The following SVEP1 variants were observed in gnomAD, a reference collection of about 807,000 sequenced individuals.
SVEP1 encodes sushi, von Willebrand factor type A, EGF and pentraxin domain containing 1, also known as sushi, von Willebrand factor type A, EGF and pentraxin domain-containing protein 1.
Under a neutral mutation model 367.3 loss-of-function variants are expected in SVEP1, and 164 were observed. The ratio of observed to expected loss-of-function variants is 0.45; its 90% CI spans 0.39 to 0.51. SVEP1 has a LOEUF of 0.51. Ranked by LOEUF, SVEP1 falls within the 20% of genes least tolerant of loss-of-function variation. The pLI, the probability that SVEP1 is intolerant of heterozygous loss-of-function variation, is 0.00. For missense variants in SVEP1, 4,117 were observed against 4,425.3 expected, an observed-to-expected ratio of 0.93 and a Z score of 1.98; for synonymous variants, 1,666 against 1,611.6, an observed-to-expected ratio of 1.03 and a Z score of -0.81.
intron 3 of SVEP1, 156 bp from the exon 4 acceptor site, chr9:110,514,262 T>A: frequency 3.8e-5 from 36 of 946,912 alleles, no homozygotes; most frequent in Non-Finnish European, 4.9e-5. Flanking sequence ...CTGTAATCCC[T>A]GTACTTTGGG....
At chr9:110,446,163 A>G in intron 25 of SVEP1, 125 bp from the exon 26 acceptor site, 1 of 786,658 alleles carries the variant, frequency 1.3e-6, no homozygotes, top group Non-Finnish European at 2.0e-6. Context: ...AAGCAGTTTC[A>G]AAATTAAATA....
intron 3 of SVEP1, among the ~76,000 whole-genome samples, chr9:110,519,091 T>C (rs1344494437): frequency 6.6e-6 from 1 of 152,178 alleles, no homozygotes; most frequent in Non-Finnish European, 1.5e-5. Context: ...CACCACATTT[T>C]TGGGGAGTTT....
chr9:110,394,977 A>G (rs1317725656), intron 40 of SVEP1, among the ~76,000 whole-genome samples: 2 of 152,240 alleles, frequency 1.3e-5, no homozygotes, highest in African/African-American at 4.8e-5. Context: ...GCAGGCCAGC[A>G]TTCAAATTCA....
chr9:110,434,049 A>G (rs1828394059), intron 30 of SVEP1, among the ~76,000 whole-genome samples: 1 of 152,082 alleles, frequency 6.6e-6, no homozygotes, highest in Non-Finnish European at 1.5e-5. Context: ...TTCCCCCTCC[A>G]GCAATGACCC....
chr9:110,516,877 G>A (rs1299275661), intron 3 of SVEP1, among the ~76,000 whole-genome samples: 1 of 152,070 alleles, frequency 6.6e-6, no homozygotes, highest in Non-Finnish European at 1.5e-5. Flanking sequence ...GAGCTTTAGT[G>A]CAAAAGTACT....
intron 28 of SVEP1, 49 bp from the exon 29 acceptor site, chr9:110,435,413 T>G: frequency 1.9e-6 from 3 of 1,599,372 alleles, no homozygotes; most frequent in Non-Finnish European, 2.6e-6. Context: ...TCCATTAAGA[T>G]GGAGTTATTA....
chr9:110,533,886 A>G (rs915833528), intron 3 of SVEP1, among the ~76,000 whole-genome samples: 30 of 152,180 alleles, frequency 2.0e-4, no homozygotes, highest in African/African-American at 6.7e-4. Context: ...TGAAAATATA[A>G]CCTGGAAATA....
intron 42 of SVEP1, 102 bp downstream of exon 42, chr9:110,387,183 C>CCCATAT: frequency 1.6e-6 from 2 of 1,234,810 alleles, no homozygotes; most frequent in Non-Finnish European, 2.2e-6. Flanking sequence ...TTTCTCTGGG[C>CCCATAT]CCATATCCCT....
intron 18 of SVEP1, among the ~76,000 whole-genome samples, chr9:110,461,870 G>C (rs187743115): frequency 3.3e-5 from 5 of 152,066 alleles, no homozygotes; most frequent in Admixed American, 6.5e-5. Flanking sequence ...TTTACTCTTT[G>C]ATTGATAGAT....
intron 13 of SVEP1, among the ~76,000 whole-genome samples, chr9:110,478,462 C>T (rs12376098): frequency 0.29 from 43,457 of 152,044 alleles, 6,546 homozygotes; most frequent in Admixed American, 0.33. Flanking sequence ...CCTTATAGCA[C>T]CTTTAACCTG....
chr9:110,499,463 C>A (rs772334306), intron 6 of SVEP1, among the ~76,000 whole-genome samples: 32 of 152,278 alleles, frequency 2.1e-4, no homozygotes, highest in Non-Finnish European at 4.0e-4. Context: ...TCAAAACTTT[C>A]AAAAACTTCT....
At position 110,379,414 on chromosome 9, in the gene SVEP1, C is replaced by T; in HGVS notation, c.10341G>A (p.Met3447Ile). The change falls in exon 44 of 48, where the codon ATG becomes ATA. Residue 3447 changes from methionine (M) to isoleucine (I), a missense_variant. This residue lies in a region of SVEP1 where 1,765 missense variants were observed against 1,781.1 expected (regional missense o/e 0.99). Transcript: ENST00000374469. ...AAACACTCCTCAGGAAACCCTCCAACATGTATCCACTGTAACATGAGTAGG... is the reference window on the plus strand; with the variant it reads ...AAACACTCCTCAGGAAACCCTCCAATATGTATCCACTGTAACATGAGTAGG... ...MITYSCYSGYMLEGFLRSVCL... is the reference protein window; with the variant it reads ...MITYSCYSGYILEGFLRSVCL... The T allele has an allele frequency of 6.2e-7, 1 of 1,613,826 alleles. No individual in the cohort carries two copies. Among genetic ancestry groups the T allele is most frequent in the Non-Finnish European group, 8.5e-7 (1 of 1,179,796 alleles).
At chr9:110,534,865 G>T (rs1265184198) in intron 3 of SVEP1, among the ~76,000 whole-genome samples, 1 of 152,010 alleles carries the variant, frequency 6.6e-6, no homozygotes, top group Non-Finnish European at 1.5e-5. Flanking sequence ...TTTTAATGGG[G>T]TTGCTTTTTT....
chr9:110,416,864 T>TC (rs1189059565), intron 36 of SVEP1, among the ~76,000 whole-genome samples: 1 of 152,060 alleles, frequency 6.6e-6, no homozygotes, highest in African/African-American at 2.4e-5. Context: ...GGAGGACTGT[T>TC]CTGTACATTG....
chr9:110,449,251 A>T (rs1828654086), intron 24 of SVEP1, among the ~76,000 whole-genome samples: 1 of 152,090 alleles, frequency 6.6e-6, no homozygotes. Flanking sequence ...TGCCCCTCAA[A>T]TACTACTATT....
chr9:110,567,354 G>A (rs1830504433), intron 1 of SVEP1, among the ~76,000 whole-genome samples: 1 of 152,080 alleles, frequency 6.6e-6, no homozygotes, highest in African/African-American at 2.4e-5. Context: ...TATCAAATTG[G>A]TGAATACAAA....
At position 110,428,417 on chromosome 9, in the gene SVEP1, C is replaced by CACACACACACACACAA. The variant is rs1554714260; in HGVS notation, c.5808-660_5808-659insTTGTGTGTGTGTGTGT. Among the ~76,000 whole-genome samples, 112 of 57,040 alleles carry CACACACACACACACAA rather than the reference C, an allele frequency of 2.0e-3. 1 individual carries two copies. Among genetic ancestry groups the CACACACACACACACAA allele is most frequent in the African/African-American group, 0.012 (109 of 9,330 alleles). 37.4% of individuals were successfully genotyped at this position (57,040 alleles called of 152,430 possible). A position where few individuals can be genotyped will look rare whatever the true frequency, so the allele number is the denominator to read the frequency against. ...CTGTTTAAACACACACACACACACA[C>CACACACACACACACAA]ACACACACACACCATTAATCTCCTA... On this transcript the variant is annotated intron_variant, in intron 35 of 47. Coordinates refer to ENST00000374469, the MANE Select transcript of SVEP1 (RefSeq NM_153366.4).
intron 1 of SVEP1, among the ~76,000 whole-genome samples, chr9:110,562,070 C>T (rs1830438536): frequency 6.6e-6 from 1 of 151,788 alleles, no homozygotes; most frequent in East Asian, 1.9e-4. Context: ...CCCATAGGGA[C>T]AGTACATCAA....
chr9:110,418,829 A>C (rs1828151597), intron 36 of SVEP1, among the ~76,000 whole-genome samples: 1 of 117,424 alleles, frequency 8.5e-6, no homozygotes, highest in South Asian at 2.6e-4. Flanking sequence ...CTTAAAGAAA[A>C]GAATTTTCAA....
Sources: gnomAD v4.1 joint callset for allele counts (sites outside exome capture counted in the v4.1 genomes callset) on GRCh38, gnomAD v4.1.1 for gene constraint, gnomAD v4.1.1 regional missense constraint, MANE v1.5 for transcripts, NCBI Gene and HGNC (gene_info 2026-07-23, HGNC 2026-07-21) for gene names.